SDC2: variants seen among roughly 807,000 people sequenced by gnomAD.
SDC2 encodes the protein syndecan 2.
SDC2 carries 13 observed loss-of-function variants against 22.2 expected under a neutral mutation model. That is an observed-to-expected ratio of 0.59 (90% CI 0.38 to 0.93). The LOEUF is 0.93. Among genes scored for constraint, SDC2 ranks in the 40% least tolerant of loss-of-function variants. The pLI is 0.00. For missense variants in SDC2, 235 were observed against 246.8 expected, an observed-to-expected ratio of 0.95 and a Z score of 0.32; for synonymous variants, 94 against 92.8, an observed-to-expected ratio of 1.01 and a Z score of -0.07.
chr8:96,572,082 G>A (rs1376969905), intron 1 of SDC2, among the ~76,000 whole-genome samples: 1 of 152,160 alleles, frequency 6.6e-6, no homozygotes, highest in Non-Finnish European at 1.5e-5. Context: ...GGAGGCTGCT[G>A]CCACCCTGTT....
intron 1 of SDC2, among the ~76,000 whole-genome samples, chr8:96,523,002 A>C (rs773081967): frequency 6.6e-6 from 1 of 152,092 alleles, no homozygotes. Context: ...TGGCGTTTGG[A>C]TGGAAACGTA....
At chr8:96,577,520 T>G (rs1351547311) in intron 1 of SDC2, among the ~76,000 whole-genome samples, 1 of 152,174 alleles carries the variant, frequency 6.6e-6, no homozygotes, top group Admixed American at 6.5e-5. Context: ...TACTGTATAC[T>G]AACATATCTT....
intron 1 of SDC2, among the ~76,000 whole-genome samples, chr8:96,560,136 C>T (rs1184956040): frequency 6.6e-6 from 1 of 152,108 alleles, no homozygotes; most frequent in African/African-American, 2.4e-5. Flanking sequence ...TCACCCCTAC[C>T]CCTACCCTGT....
chr8:96,522,370 A>AT (rs34325648), intron 1 of SDC2, among the ~76,000 whole-genome samples: 22 of 146,274 alleles, frequency 1.5e-4, no homozygotes, highest in Admixed American at 4.1e-4. Flanking sequence ...GTGGTTACCT[A>AT]TTTTTTTTTT....
chr8:96,602,548 G>A lies in SDC2; in HGVS notation c.306+20G>A. 6.2e-7 allele frequency: 1 copy of A among 1,613,246 alleles called. No individual in the cohort carries two copies. Among genetic ancestry groups the A allele is most frequent in the Non-Finnish European group, 8.5e-7 (1 of 1,179,450 alleles). ...ACAAAGGTGCGTTCTATTTTCCATT[G>A]CATTGCATTATCAGGTTATTACAAA... On this transcript the variant is annotated intron_variant, in intron 3 of 4. Transcript: ENST00000302190.
intron 1 of SDC2, among the ~76,000 whole-genome samples, chr8:96,569,898 A>G (rs897294592): frequency 1.3e-5 from 2 of 152,136 alleles, no homozygotes; most frequent in African/African-American, 4.8e-5. Flanking sequence ...AGGTGTGAGC[A>G]CATGTGCTCT....
intron 2 of SDC2, among the ~76,000 whole-genome samples, chr8:96,594,164 C>T (rs1016968643): frequency 2.0e-5 from 3 of 152,132 alleles, no homozygotes; most frequent in Non-Finnish European, 4.4e-5. Context: ...TATCTGTTAC[C>T]ACTCTAAGGC....
chr8:96,571,228 G>T (rs371416565), intron 1 of SDC2, among the ~76,000 whole-genome samples: 3 of 152,176 alleles, frequency 2.0e-5, no homozygotes, highest in East Asian at 3.9e-4. Context: ...GGCCTCTTTG[G>T]AGAGGGTCAC....
At chr8:96,569,631 AT>A (rs1315099480) in intron 1 of SDC2, among the ~76,000 whole-genome samples, 1 of 152,212 alleles carries the variant, frequency 6.6e-6, no homozygotes, top group Admixed American at 6.5e-5. Flanking sequence ...ACTAGATGAT[AT>A]TTATTGAGTG....
intron 1 of SDC2, among the ~76,000 whole-genome samples, chr8:96,579,358 G>T (rs1814554893): frequency 6.6e-6 from 1 of 152,198 alleles, no homozygotes; most frequent in South Asian, 2.1e-4. Context: ...CTTTGTCTGT[G>T]CATTGTAGCT....
At chr8:96,515,234 GC>G (rs1390866105) in intron 1 of SDC2, among the ~76,000 whole-genome samples, 1 of 151,736 alleles carries the variant, frequency 6.6e-6, no homozygotes, top group Non-Finnish European at 1.5e-5. Flanking sequence ...TCTACTTACT[GC>G]CTTGCAATGA....
intron 1 of SDC2, among the ~76,000 whole-genome samples, chr8:96,537,060 C>T (rs1442623975): frequency 6.6e-6 from 1 of 152,138 alleles, no homozygotes; most frequent in East Asian, 1.9e-4. Context: ...CATCTGGTAT[C>T]AGATAGAGTA....
intron 1 of SDC2, among the ~76,000 whole-genome samples, chr8:96,580,036 A>C (rs1169629808): frequency 6.6e-6 from 1 of 152,234 alleles, no homozygotes; most frequent in Non-Finnish European, 1.5e-5. Context: ...TAAAGGATTT[A>C]AAAAGAACAA....
chr8:96,601,773 T>C (rs986798710), intron 2 of SDC2, among the ~76,000 whole-genome samples: 1 of 152,122 alleles, frequency 6.6e-6, no homozygotes, highest in Non-Finnish European at 1.5e-5. Flanking sequence ...TTTTAATTTT[T>C]ATTTTTGGCA....
intron 1 of SDC2, among the ~76,000 whole-genome samples, chr8:96,564,285 A>G (rs1425039173): frequency 6.6e-6 from 1 of 152,222 alleles, no homozygotes; most frequent in East Asian, 1.9e-4. Flanking sequence ...CACTGTGGCC[A>G]TGGATACATG....
chr8:96,527,810 T>C (rs1397990589), intron 1 of SDC2, among the ~76,000 whole-genome samples: 1 of 152,208 alleles, frequency 6.6e-6, no homozygotes, highest in African/African-American at 2.4e-5. Context: ...TCTGCGCATA[T>C]AGTTTTCAAA....
At chr8:96,540,939 A>G (rs2130511911) in intron 1 of SDC2, among the ~76,000 whole-genome samples, 1 of 152,226 alleles carries the variant, frequency 6.6e-6, no homozygotes. Flanking sequence ...TTCTTACCTG[A>G]CTTTAGTTCA....
chr8:96,602,599 A>G (rs773947230), intron 3 of SDC2, 71 bp downstream of exon 3: 10 of 1,516,226 alleles, frequency 6.6e-6, no homozygotes, highest in South Asian at 4.7e-5. Flanking sequence ...ACTGTACACA[A>G]CAGTCCCTTT....
Position 96,570,967 on chromosome 8 carries a change from G to A in SDC2, c.61-22513G>A, listed in dbSNP as rs377641637. ...AGAGTTTCAGTTTGGGATGATGAAA[G>A]GTCTAGAGATGGATGTGGTAATGGT... On this transcript the variant is annotated intron_variant, in intron 1 of 4. Coordinates refer to ENST00000302190, the MANE Select transcript of SDC2 (RefSeq NM_002998.4). Among the ~76,000 whole-genome samples the A allele has an allele frequency of 5.3e-5, 8 of 152,266 alleles. No homozygotes were observed. The East Asian group carries it at 1.4e-3, about 26-fold the overall frequency.
Sources: allele counts gnomAD v4.1 joint callset (sites outside exome capture counted in the v4.1 genomes callset), GRCh38; gene constraint gnomAD v4.1.1; transcripts MANE v1.5; gene names NCBI Gene and HGNC (gene_info 2026-07-23, HGNC 2026-07-21).